Variants in CEP76 observed in about 807,000 individuals in gnomAD.
CEP76 encodes the protein centrosomal protein of 76 kDa.
CEP76 carries 55 observed loss-of-function variants against 83.3 expected under a neutral mutation model. The ratio of observed to expected loss-of-function variants is 0.66; its 90% CI spans 0.53 to 0.83. CEP76 has a LOEUF of 0.83. Ranked by LOEUF, CEP76 falls within the 40% of genes least tolerant of loss-of-function variation. The probability of loss-of-function intolerance (pLI) is 0.00; values close to 1 mark genes in which losing one functional copy is unlikely to be tolerated. For synonymous variants in CEP76, 270 were observed against 274.5 expected (o/e 0.98, Z 0.16); for missense variants, 694 against 799.5 (o/e 0.87, Z 1.59).
chr18:12,675,345 G>A (rs186177116), intron 10 of CEP76, among the ~76,000 whole-genome samples: 16 of 152,064 alleles, frequency 1.1e-4, no homozygotes, highest in Admixed American at 7.2e-4. Context: ...GCAGTGAGCC[G>A]AGATCGTGCC....
downstream of CEP76, among the ~76,000 whole-genome samples, chr18:12,669,462 G>A (rs1308017473): frequency 6.6e-6 from 1 of 151,918 alleles, no homozygotes; most frequent in African/African-American, 2.4e-5. Flanking sequence ...TGACCAGGCT[G>A]TGCTCAAATT....
chr18:12,697,154 G>T, intron 5 of CEP76, 69 bp downstream of exon 5: 1 of 1,126,084 alleles, frequency 8.9e-7, no homozygotes. Flanking sequence ...GCATTTTAAA[G>T]ATATAAAATA....
At chr18:12,691,127 A>G in intron 7 of CEP76, 2 of 379,530 alleles carry the variant, frequency 5.3e-6, no homozygotes, top group Non-Finnish European at 9.3e-6. Context: ...AACCTGAGAA[A>G]GGTGATTTTT....
At chr18:12,669,389 G>A (rs2038883027), downstream of CEP76, among the ~76,000 whole-genome samples, 1 of 152,024 alleles carries the variant, frequency 6.6e-6, no homozygotes, top group Non-Finnish European at 1.5e-5. Context: ...TGGGATTACA[G>A]GCATGAGCCA....
intron 5 of CEP76, 37 bp from the exon 6 acceptor site, chr18:12,695,388 A>G (rs374863406): frequency 3.1e-4 from 308 of 1,004,132 alleles, no homozygotes; most frequent in Non-Finnish European, 4.4e-4. Context: ...AGAGATTTCA[A>G]TACTATATAT....
In CEP76 at chr18:12,673,029, A is replaced by C; in HGVS notation, c.*336T>G. On this transcript the variant is annotated 3_prime_UTR_variant, in exon 12 of 12. Transcript: ENST00000262127. ...CTAGGGCTCAAACCCTTAGACAAACATCTCTTTGATTACCTGTTTGTGTAA... is the reference window on the plus strand; with the variant it reads ...CTAGGGCTCAAACCCTTAGACAAACCTCTCTTTGATTACCTGTTTGTGTAA... 9.9e-7 allele frequency: 1 copy of C among 1,014,852 alleles called. No individual in the cohort carries two copies. Among genetic ancestry groups the C allele is most frequent in the South Asian group, 4.1e-5 (1 of 24,320 alleles). The allele number at this position is 1,014,852 out of a possible 1,614,324, so 62.9% of individuals were successfully genotyped here.
intron 6 of CEP76, among the ~76,000 whole-genome samples, chr18:12,694,317 A>C (rs1307982785): frequency 6.6e-6 from 1 of 152,214 alleles, no homozygotes; most frequent in Non-Finnish European, 1.5e-5. Flanking sequence ...ACAATATGAC[A>C]GGCAGGGTGG....
chr18:12,666,603 T>G lies in CEP76; in HGVS notation c.*1728-4434A>C, dbSNP rs1337024990. Among the ~76,000 whole-genome samples, 14 of 152,016 alleles carry G rather than the reference T, an allele frequency of 9.2e-5. No homozygotes were observed. In the East Asian group the frequency reaches 1.7e-3, roughly 19 times the overall value. On this transcript the variant is annotated intron_variant and NMD_transcript_variant, in intron 12 of 12. Coordinates refer to the CEP76 transcript ENST00000590143. ...TACAGGTGCACGCACCATGCCTGGT[T>G]GTTGTTGTTTTTGTTTTTGTATTTT...
intron 7 of CEP76, among the ~76,000 whole-genome samples, chr18:12,687,800 G>C (rs2039596566): frequency 6.6e-6 from 1 of 151,862 alleles, no homozygotes; most frequent in Non-Finnish European, 1.5e-5. Flanking sequence ...CTAATTTTGG[G>C]GGGATGTAGA....
chr18:12,698,160 A>G (rs2040022346), intron 4 of CEP76, among the ~76,000 whole-genome samples: 1 of 137,314 alleles, frequency 7.3e-6, no homozygotes, highest in South Asian at 2.1e-4. Context: ...TTTTTATTTT[A>G]TTTATATTTA....
Position 12,691,378 on chromosome 18 carries a change from A to G in CEP76, c.914T>C (p.Leu305Pro). Residue 305 changes from leucine (L) to proline (P), a missense_variant, in exon 7 of 12, where the codon CTG becomes CCG. By Grantham distance (98) the Leu-to-Pro change is moderately conservative. Transcript: ENST00000262127. ...LQIRPSHNSR[L>P]VKIFAQDENG... ...ACAAACCTGTGCAAAAATCTTAACC[A>G]GTCGTGAGTTGTGTGAGGGTCGAAT... The G allele has an allele frequency of 6.3e-7, 1 of 1,580,232 alleles. No homozygotes were observed. The highest frequency in any genetic ancestry group is 8.6e-7 in the Non-Finnish European group (1 of 1,164,110).
In CEP76 at chr18:12,672,655, CA is replaced by C; in HGVS notation, c.*709del. The C allele has an allele frequency of 1.0e-6, 1 of 982,250 alleles. No individual in the cohort carries two copies. The allele number at this position is 982,250 out of a possible 1,614,324, so 60.8% of individuals were successfully genotyped here. On this transcript the variant is annotated 3_prime_UTR_variant, in exon 12 of 12. Transcript: ENST00000262127. ...GATCGACTGCAAGATCACAATTTATCAGTATCATAACAAAGAGGTATAATAA... is the reference window on the plus strand; with the variant it reads ...GATCGACTGCAAGATCACAATTTATCGTATCATAACAAAGAGGTATAATAA...
At chr18:12,665,991 G>A (rs61407614) in intron 12 of CEP76, among the ~76,000 whole-genome samples, 34 of 147,736 alleles carry the variant, frequency 2.3e-4, no homozygotes, top group Non-Finnish European at 4.6e-4. Flanking sequence ...CACCGTGCCC[G>A]GCCCAACACA....
chr18:12,687,305 T>C (rs1424885705), intron 7 of CEP76, among the ~76,000 whole-genome samples: 1 of 152,090 alleles, frequency 6.6e-6, no homozygotes, highest in African/African-American at 2.4e-5. Context: ...AACATCTTTT[T>C]CCAATATAGT....
chr18:12,670,442 A>AT (rs1555641108), downstream of CEP76: 2 of 152,212 alleles, frequency 1.3e-5, no homozygotes, highest in Non-Finnish European at 2.9e-5. Context: ...CATAAAAAGC[A>AT]TATTTATTAC....
rs762832727 is a variant in CEP76, at chr18:12,678,415, A to G, written c.1317T>C (p.Asp439=). Residue 439 remains aspartate, a synonymous_variant, in exon 10 of 12, where the codon GAT becomes GAC. Coordinates refer to ENST00000262127, the MANE Select transcript of CEP76 (RefSeq NM_024899.4). ...HRYIHKPTNP[D]EPPVAEQPKP... ...TGGGCTGTTCAGCAACTGGAGGTTC[A>G]TCAGGATTGGTAGGTTTATGGATGT... 8.7e-6 allele frequency: 14 copies of G among 1,613,506 alleles called. No individual in the cohort carries two copies. Among genetic ancestry groups the G allele is most frequent in the Non-Finnish European group, 1.2e-5 (14 of 1,179,430 alleles).
At chr18:12,702,321 G>A in intron 1 of CEP76, 165 bp downstream of exon 1, 1 of 568,848 alleles carries the variant, frequency 1.8e-6, no homozygotes, top group Non-Finnish European at 3.1e-6. Context: ...AGACGAGGAC[G>A]CTCTCCTGCC....
intron 12 of CEP76, among the ~76,000 whole-genome samples, chr18:12,666,592 C>T (rs2038808368): frequency 6.6e-6 from 1 of 151,776 alleles, no homozygotes; most frequent in Non-Finnish European, 1.5e-5. Context: ...GGTGCACGCA[C>T]CATGCCTGGT....
chr18:12,699,489 T>C (rs974666640), intron 3 of CEP76, among the ~76,000 whole-genome samples: 1 of 152,178 alleles, frequency 6.6e-6, no homozygotes, highest in Non-Finnish European at 1.5e-5. Flanking sequence ...TTTAACTGCT[T>C]ATCCAACATT....
Sources: gnomAD v4.1 joint callset for allele counts (sites outside exome capture counted in the v4.1 genomes callset) on GRCh38, gnomAD v4.1.1 for gene constraint, MANE v1.5 for transcripts, NCBI Gene and HGNC (gene_info 2026-07-23, HGNC 2026-07-21) for gene names.